Variants in PTPRG observed in about 807,000 individuals in gnomAD.
The protein encoded by PTPRG is protein tyrosine phosphatase receptor type G.
Under a neutral mutation model 165.3 loss-of-function variants are expected in PTPRG, and 102 were observed. The observed-to-expected ratio is 0.62, with a 90% confidence interval of 0.53 to 0.73. The LOEUF is 0.73. PTPRG is among the 30% of genes least tolerant of loss of function. The probability of loss-of-function intolerance (pLI) is 0.00; values close to 1 mark genes in which losing one functional copy is unlikely to be tolerated. For synonymous variants in PTPRG, 675 were observed against 669.5 expected (o/e 1.01, Z -0.13); for missense variants, 1,866 against 1,861.4 (o/e 1.00, Z -0.05).
chr3:61,996,255 A>T (rs2041037971), intron 3 of PTPRG, among the ~76,000 whole-genome samples: 1 of 152,202 alleles, frequency 6.6e-6, no homozygotes, highest in Non-Finnish European at 1.5e-5. Context: ...TACATGAATG[A>T]TTCCCCAAAT....
At chr3:61,700,793 T>C (rs145244469) in intron 1 of PTPRG, among the ~76,000 whole-genome samples, 43 of 152,364 alleles carry the variant, frequency 2.8e-4, no homozygotes, top group African/African-American at 9.6e-4. Flanking sequence ...TTCAGCTCTG[T>C]CATTTTCATT....
chr3:62,253,604 G>T (rs1701471113), intron 15 of PTPRG, among the ~76,000 whole-genome samples: 2 of 152,166 alleles, frequency 1.3e-5, no homozygotes, highest in South Asian at 4.1e-4. Flanking sequence ...TAAGTGAAGT[G>T]ATCAGATAAT....
intron 2 of PTPRG, among the ~76,000 whole-genome samples, chr3:61,907,405 C>G (rs2038683555): frequency 6.6e-6 from 1 of 152,180 alleles, no homozygotes; most frequent in South Asian, 2.1e-4. Flanking sequence ...CCCAGATGTG[C>G]CCTCCTGATT....
chr3:61,829,654 C>A (rs760785809), intron 2 of PTPRG, among the ~76,000 whole-genome samples: 4 of 152,234 alleles, frequency 2.6e-5, no homozygotes, highest in Non-Finnish European at 4.4e-5. Context: ...TATTAATCCA[C>A]AGGAAAAGTA....
At chr3:61,743,159 C>G in intron 1 of PTPRG, 1 of 945,034 alleles carries the variant, frequency 1.1e-6, no homozygotes, top group Non-Finnish European at 1.7e-6. Context: ...ATATTTTTAT[C>G]TTTTTTTGCT....
At chr3:61,935,688 T>TA (rs1235493176) in intron 2 of PTPRG, among the ~76,000 whole-genome samples, 1 of 145,602 alleles carries the variant, frequency 6.9e-6, no homozygotes, top group Non-Finnish European at 1.5e-5. Context: ...CGGAGTCCCT[T>TA]ACCTTTTTTT....
chr3:61,572,357 T>C (rs1700075924), intron 1 of PTPRG, among the ~76,000 whole-genome samples: 3 of 152,172 alleles, frequency 2.0e-5, no homozygotes, highest in African/African-American at 4.8e-5. Context: ...TAAAACTATC[T>C]AATGTGATTT....
At chr3:61,665,973 G>A (rs949817758) in intron 1 of PTPRG, among the ~76,000 whole-genome samples, 8 of 128,720 alleles carry the variant, frequency 6.2e-5, no homozygotes, top group Admixed American at 4.5e-4. Flanking sequence ...AGCTCTTAAC[G>A]CCTTTTTACT....
At chr3:61,703,750 G>A (rs2106716445) in intron 1 of PTPRG, among the ~76,000 whole-genome samples, 1 of 152,264 alleles carries the variant, frequency 6.6e-6, no homozygotes, top group African/African-American at 2.4e-5. Flanking sequence ...TGGGCTTGTT[G>A]ATACCTGTTA....
At chr3:62,232,249 A>G (rs1700919942) in intron 14 of PTPRG, among the ~76,000 whole-genome samples, 1 of 152,192 alleles carries the variant, frequency 6.6e-6, no homozygotes, top group African/African-American at 2.4e-5. Flanking sequence ...AGGAGTTGTG[A>G]CAGATTAATG....
intron 1 of PTPRG, among the ~76,000 whole-genome samples, chr3:61,581,722 G>T (rs1310168297): frequency 1.3e-5 from 2 of 150,182 alleles, no homozygotes; most frequent in South Asian, 2.1e-4. Flanking sequence ...TGATTCTCAT[G>T]CCTCAGTCTC....
chr3:62,003,901 T>C (rs1478564187), intron 4 of PTPRG, among the ~76,000 whole-genome samples: 1 of 152,198 alleles, frequency 6.6e-6, no homozygotes, highest in African/African-American at 2.4e-5. Context: ...AACCTTCTCT[T>C]GGTAGCAAAG....
intron 1 of PTPRG, among the ~76,000 whole-genome samples, chr3:61,718,933 C>T (rs780399854): frequency 2.7e-5 from 4 of 146,738 alleles, no homozygotes; most frequent in South Asian, 4.2e-4. Flanking sequence ...GATAAACAAT[C>T]GACATTGAAT....
At chr3:61,870,022 C>G (rs647723) in intron 2 of PTPRG, among the ~76,000 whole-genome samples, 25,475 of 152,032 alleles carry the variant, frequency 0.17, 2,178 homozygotes, top group African/African-American at 0.21. Flanking sequence ...GACTTGTCCT[C>G]ATCACTGCAT....
rs149334221 is a variant in PTPRG at position 62,116,627 on chromosome 3, A to C, written c.616-15975A>C. 1.8e-3 allele frequency among the ~76,000 whole-genome samples: 281 copies of C among 152,238 alleles called. 1 individual carries two copies. Among genetic ancestry groups the C allele is most frequent in the African/African-American group, 6.4e-3 (264 of 41,514 alleles). On this transcript the variant is annotated intron_variant, in intron 5 of 29. Transcript: ENST00000474889. Reference sequence around the variant, plus strand: ...ATGGGGCTATCAACTGGAGGGTCTTAAGGAAGCCTTCTAGAGTTCTGGAAA... The same window carrying C: ...ATGGGGCTATCAACTGGAGGGTCTTCAGGAAGCCTTCTAGAGTTCTGGAAA...
chr3:62,161,396 A>G (rs1704755366), intron 7 of PTPRG, among the ~76,000 whole-genome samples: 1 of 152,246 alleles, frequency 6.6e-6, no homozygotes, highest in South Asian at 2.1e-4. Context: ...TATTTAATCA[A>G]ATGTATCCAC....
chr3:62,097,511 G>A (rs1343615502), intron 5 of PTPRG, among the ~76,000 whole-genome samples: 3 of 150,248 alleles, frequency 2.0e-5, no homozygotes, highest in African/African-American at 4.9e-5. Context: ...GTGGTGGGGG[G>A]CATATTTTTG....
intron 2 of PTPRG, among the ~76,000 whole-genome samples, chr3:61,875,585 A>G (rs146345430): frequency 1.1e-4 from 17 of 152,226 alleles, no homozygotes; most frequent in East Asian, 1.9e-4. Context: ...TCAGACATCT[A>G]TCAGATGGAG....
At chr3:61,615,800 C>T (rs1026899869) in intron 1 of PTPRG, among the ~76,000 whole-genome samples, 1 of 152,106 alleles carries the variant, frequency 6.6e-6, no homozygotes. Context: ...TGACATGTCC[C>T]CATCATTATT....
Sources: gnomAD v4.1 joint callset for allele counts (sites outside exome capture counted in the v4.1 genomes callset) on GRCh38, gnomAD v4.1.1 for gene constraint, MANE v1.5 for transcripts, NCBI Gene and HGNC (gene_info 2026-07-23, HGNC 2026-07-21) for gene names.